CBR4: variants seen among roughly 807,000 people sequenced by gnomAD.
CBR4 encodes 3-oxoacyl-[acyl-carrier-protein] reductase.
Under a neutral mutation model 21.0 loss-of-function variants are expected in CBR4, and 22 were observed. The ratio of observed to expected loss-of-function variants is 1.05; its 90% CI spans 0.75 to 1.50. The LOEUF (loss-of-function observed/expected upper bound fraction) is 1.50, where lower values mean the gene tolerates loss of function less well. CBR4 is among the 40% of genes most tolerant of loss of function. CBR4 has a pLI of 0.00. For synonymous variants in CBR4, 100 were observed against 104.4 expected (o/e 0.96, Z 0.26); for missense variants, 302 against 286.3 (o/e 1.05, Z -0.40).
At position 168,917,051 on chromosome 4, in the gene CBR4, T is replaced by G. The variant is rs796795483; in HGVS notation, n.170-22286A>C. Reference sequence around the variant, plus strand: ...GCAGGGCTTTTTGTTTTTTTGGGGTTTTTTTTTTTTTTTTTGAGACGGAGT... The same window carrying G: ...GCAGGGCTTTTTGTTTTTTTGGGGTGTTTTTTTTTTTTTTTGAGACGGAGT... On this transcript the variant is annotated intron_variant and non_coding_transcript_variant, in intron 2 of 3. Transcript: ENST00000509108. Among the ~76,000 whole-genome samples the G allele has an allele frequency of 6.2e-3, 894 of 143,234 alleles. 21 individuals carry two copies. Among genetic ancestry groups the G allele is most frequent in the East Asian group, 0.038 (191 of 5,026 alleles). The allele number at this position is 143,234 out of a possible 152,430, so 94.0% of individuals were successfully genotyped here.
At position 168,961,979 on chromosome 4, in the gene CBR4, AG is replaced by A. The variant is rs1327453068; in HGVS notation, n.169+40091del. On this transcript the variant is annotated intron_variant and non_coding_transcript_variant, in intron 2 of 3. Transcript: ENST00000509108. ...AGAGGAGAGGAGAGGAGAGGAGAGG[AG>A]AGGAGAGGAGAGGAAAGGAAAGGAG... is the stretch of plus-strand genomic sequence containing the variant. 1.7e-4 allele frequency among the ~76,000 whole-genome samples: 25 copies of A among 147,078 alleles called. No homozygotes were observed. In the East Asian group the frequency reaches 4.2e-3, roughly 25 times the overall value.
chr4:168,956,597 C>CAAAAAAAAA (rs59962690), intron 2 of CBR4, among the ~76,000 whole-genome samples: 2 of 29,674 alleles, frequency 6.7e-5, no homozygotes, highest in Non-Finnish European at 1.3e-4. Flanking sequence ...GACCCTGTCT[C>CAAAAAAAAA]AAAAAAAAAA....
chr4:169,000,343 AG>A (rs552019605), intron 4 of CBR4, among the ~76,000 whole-genome samples: 51 of 152,176 alleles, frequency 3.4e-4, no homozygotes, highest in African/African-American at 1.2e-3. Flanking sequence ...AAATATTCAT[AG>A]ATTTAGAATG....
At chr4:168,915,796 A>G in intron 2 of CBR4, 1 of 905,568 alleles carries the variant, frequency 1.1e-6, no homozygotes, top group South Asian at 1.4e-5. Flanking sequence ...TAAGGAAATC[A>G]TATTATTACC....
chr4:168,909,865 G>A (rs1169859089), intron 2 of CBR4, among the ~76,000 whole-genome samples: 10 of 152,064 alleles, frequency 6.6e-5, no homozygotes, highest in Non-Finnish European at 1.3e-4. Flanking sequence ...GAACTCTGGG[G>A]GTTTTTTCCC....
At chr4:168,940,541 T>C (rs1484828686) in intron 2 of CBR4, among the ~76,000 whole-genome samples, 8 of 151,962 alleles carry the variant, frequency 5.3e-5, no homozygotes, top group Admixed American at 2.6e-4. Context: ...AATCTACCCA[T>C]CTGACAAAGG....
At chr4:168,986,767 A>G (rs1234891102), downstream of CBR4, among the ~76,000 whole-genome samples, 6 of 152,068 alleles carry the variant, frequency 3.9e-5, no homozygotes, top group Non-Finnish European at 7.4e-5. Flanking sequence ...ACACAGTGAG[A>G]CCTTGTCTCT....
chr4:168,952,041 G>A (rs1763555294), intron 2 of CBR4, among the ~76,000 whole-genome samples: 1 of 152,102 alleles, frequency 6.6e-6, no homozygotes, highest in African/African-American at 2.4e-5. Context: ...TTACTCCTCA[G>A]GAACACCAAA....
intron 2 of CBR4, among the ~76,000 whole-genome samples, chr4:168,895,149 T>C (rs1754833628): frequency 6.6e-6 from 1 of 152,060 alleles, no homozygotes; most frequent in Non-Finnish European, 1.5e-5. Flanking sequence ...TTTGGGAGGC[T>C]GAGGTGGGTG....
chr4:168,963,992 T>C (rs534071237), intron 2 of CBR4, among the ~76,000 whole-genome samples: 1 of 152,088 alleles, frequency 6.6e-6, no homozygotes, highest in East Asian at 1.9e-4. Context: ...ATTCCCAGGA[T>C]GGAATAACTA....
intron 2 of CBR4, among the ~76,000 whole-genome samples, chr4:168,961,636 T>A (rs1763857420): frequency 6.6e-6 from 1 of 152,084 alleles, no homozygotes; most frequent in Non-Finnish European, 1.5e-5. Context: ...ATGCCTGTAA[T>A]CCCAGCACTT....
chr4:168,971,247 G>A (rs1764198349), intron 2 of CBR4, among the ~76,000 whole-genome samples: 1 of 151,448 alleles, frequency 6.6e-6, no homozygotes, highest in Non-Finnish European at 1.5e-5. Context: ...TTTTTCATAT[G>A]TTTCTTGGCC....
intron 2 of CBR4, among the ~76,000 whole-genome samples, chr4:168,964,181 C>G (rs575327977): frequency 6.6e-6 from 1 of 152,330 alleles, no homozygotes; most frequent in African/African-American, 2.4e-5. Flanking sequence ...CAATATCATT[C>G]AACTACACTC....
intron 4 of CBR4, among the ~76,000 whole-genome samples, chr4:168,999,217 T>C (rs1730194790): frequency 6.6e-6 from 1 of 152,130 alleles, no homozygotes; most frequent in African/African-American, 2.4e-5. Flanking sequence ...TTTCCTGTTA[T>C]AATTTGCTTT....
intron 2 of CBR4, among the ~76,000 whole-genome samples, chr4:168,955,082 T>A (rs906373723): frequency 6.6e-6 from 1 of 152,170 alleles, no homozygotes; most frequent in Non-Finnish European, 1.5e-5. Context: ...AAATCCTACA[T>A]AGTTTAGCTG....
chr4:169,002,857 T>G (rs754722121), intron 3 of CBR4, among the ~76,000 whole-genome samples: 3 of 152,120 alleles, frequency 2.0e-5, no homozygotes, highest in Non-Finnish European at 4.4e-5. Context: ...CTGTGTCTCT[T>G]TGTCACATTT....
chr4:168,941,502 C>T (rs1582298287), intron 2 of CBR4, among the ~76,000 whole-genome samples: 1 of 152,006 alleles, frequency 6.6e-6, no homozygotes, highest in Non-Finnish European at 1.5e-5. Context: ...AATTCAACAT[C>T]CCTCTACACA....
At chr4:168,916,529 A>G (rs1012369899) in intron 2 of CBR4, among the ~76,000 whole-genome samples, 14 of 152,180 alleles carry the variant, frequency 9.2e-5, no homozygotes, top group African/African-American at 2.9e-4. Flanking sequence ...AGAACCCTAC[A>G]TGACATTACT....
chr4:169,004,042 A>G (rs1339268421), intron 3 of CBR4, among the ~76,000 whole-genome samples: 6 of 152,126 alleles, frequency 3.9e-5, no homozygotes, highest in Admixed American at 3.9e-4. Context: ...ACATGTATAC[A>G]TATGTAACTA....
Sources: allele counts gnomAD v4.1 joint callset (sites outside exome capture counted in the v4.1 genomes callset), GRCh38; gene constraint gnomAD v4.1.1; transcripts MANE v1.5; gene names NCBI Gene and HGNC (gene_info 2026-07-23, HGNC 2026-07-21).